SNX29: variants seen among roughly 807,000 people sequenced by gnomAD.
SNX29 encodes the protein sorting nexin-29.
SNX29 carries 78 observed loss-of-function variants against 102.1 expected under a neutral mutation model. The ratio of observed to expected loss-of-function variants is 0.76; its 90% CI spans 0.64 to 0.92. The LOEUF (loss-of-function observed/expected upper bound fraction) is 0.92, where lower values mean the gene tolerates loss of function less well. SNX29 is among the 40% of genes least tolerant of loss of function. The probability of loss-of-function intolerance (pLI) is 0.00; values close to 1 mark genes in which losing one functional copy is unlikely to be tolerated. For synonymous variants in SNX29, 580 were observed against 414.5 expected, an observed-to-expected ratio of 1.40 and a Z score of -4.85; for missense variants, 1,280 against 1,061.7, an observed-to-expected ratio of 1.21 and a Z score of -2.86.
intron 14 of SNX29, among the ~76,000 whole-genome samples, chr16:12,252,555 A>T (rs925621532): frequency 6.6e-6 from 1 of 152,220 alleles, no homozygotes; most frequent in Non-Finnish European, 1.5e-5. Context: ...TCATCACCCA[A>T]TAATAATCAC....
intron 14 of SNX29, among the ~76,000 whole-genome samples, chr16:12,229,848 C>T (rs1472015647): frequency 2.0e-5 from 3 of 152,168 alleles, no homozygotes; most frequent in Non-Finnish European, 2.9e-5. Flanking sequence ...TAGCTCAGCT[C>T]TGTCTCATAC....
At chr16:12,099,344 C>G (rs1336782855) in intron 11 of SNX29, among the ~76,000 whole-genome samples, 1 of 152,192 alleles carries the variant, frequency 6.6e-6, no homozygotes, top group African/African-American at 2.4e-5. Flanking sequence ...CCCATCTCCT[C>G]TTCCACTGAA....
chr16:12,477,956 C>A, intron 19 of SNX29, 97 bp downstream of exon 19: 9 of 1,379,438 alleles, frequency 6.5e-6, no homozygotes, highest in Non-Finnish European at 8.6e-6. Context: ...ACACATGCTC[C>A]TTAAAGAAAA....
rs192004855 is a variant in SNX29, at chr16:12,486,328, A to G, written c.2178+8469A>G. ...GGGCCCTTAATTTCACCTCCTCTGC[A>G]GTGGCCCCTGTACAGTAGCATATTC... On this transcript the variant is annotated intron_variant, in intron 19 of 20. Transcript: ENST00000566228. Among the ~76,000 whole-genome samples, 94 of 152,274 alleles carry G rather than the reference A, an allele frequency of 6.2e-4. 1 individual carries two copies. Among genetic ancestry groups the G allele is most frequent in the African/African-American group, 2.2e-3 (91 of 41,572 alleles).
At chr16:12,524,435 A>C (rs1357843797) in intron 19 of SNX29, among the ~76,000 whole-genome samples, 1 of 151,866 alleles carries the variant, frequency 6.6e-6, no homozygotes, top group Non-Finnish European at 1.5e-5. Context: ...TTGGTGCCCC[A>C]TAAATAACTG....
rs773253386 is a variant in SNX29 at position 12,572,166 on chromosome 16, C to G, written c.*3537C>G. 2 of 981,424 alleles carry G rather than the reference C, an allele frequency of 2.0e-6. No individual in the cohort carries two copies. The highest frequency in any genetic ancestry group is 5.2e-5 in the East Asian group (1 of 19,388). The allele number at this position is 981,424 out of a possible 1,614,324, so 60.8% of individuals were successfully genotyped here. ...AGCTTATTAAGATCAATTTTGATAA[C>G]CATGTAATTTCTTAGAACCATGGCA... On this transcript the variant is annotated 3_prime_UTR_variant, in exon 21 of 21. Transcript: ENST00000566228.
intron 20 of SNX29, chr16:12,556,594 T>C (rs1203208173): frequency 6.6e-6 from 1 of 152,162 alleles, no homozygotes; most frequent in Non-Finnish European, 1.5e-5. Context: ...ATGGAAGGGT[T>C]TGGGGTCTGA....
chr16:12,304,242 A>G (rs897670422), intron 15 of SNX29, among the ~76,000 whole-genome samples: 1 of 151,886 alleles, frequency 6.6e-6, no homozygotes, highest in African/African-American at 2.4e-5. Context: ...ATCTTTAGCA[A>G]AAGTGGAGAC....
At chr16:12,399,843 C>T (rs913445654) in intron 17 of SNX29, among the ~76,000 whole-genome samples, 23 of 151,906 alleles carry the variant, frequency 1.5e-4, no homozygotes, top group African/African-American at 5.6e-4. Context: ...GCAGGGGGAG[C>T]ATGGCATGAA....
chr16:12,095,353 A>G (rs1310606341), intron 11 of SNX29: 3 of 152,210 alleles, frequency 2.0e-5, no homozygotes, highest in Non-Finnish European at 4.4e-5. Flanking sequence ...GAAGAGCCAC[A>G]TTGGAGCCAC....
At chr16:12,238,134 C>T (rs1028810861) in intron 14 of SNX29, among the ~76,000 whole-genome samples, 1 of 152,008 alleles carries the variant, frequency 6.6e-6, no homozygotes, top group African/African-American at 2.4e-5. Flanking sequence ...GCCTTTAGAC[C>T]TTTTAAAAAT....
intron 14 of SNX29, among the ~76,000 whole-genome samples, chr16:12,267,845 C>T (rs951634146): frequency 6.6e-6 from 1 of 151,948 alleles, no homozygotes; most frequent in Admixed American, 6.6e-5. Context: ...CTTCTGAATC[C>T]TCCAGGGGCT....
chr16:12,548,059 C>A (rs1018397626), intron 20 of SNX29, among the ~76,000 whole-genome samples: 1 of 152,180 alleles, frequency 6.6e-6, no homozygotes, highest in South Asian at 2.1e-4. Context: ...CCCTGGCACA[C>A]ACACGGTCAG....
chr16:12,516,141 T>G (rs1439037325), intron 19 of SNX29, among the ~76,000 whole-genome samples: 2 of 152,116 alleles, frequency 1.3e-5, no homozygotes, highest in African/African-American at 4.8e-5. Flanking sequence ...TGGTCTGTCT[T>G]TGTGCCCAGA....
At chr16:12,396,367 G>T (rs1232492650) in intron 16 of SNX29, among the ~76,000 whole-genome samples, 1 of 152,128 alleles carries the variant, frequency 6.6e-6, no homozygotes, top group Admixed American at 6.5e-5. Flanking sequence ...AGGTTCCTGG[G>T]TGCAAACTCT....
chr16:12,484,616 C>G (rs1053790640), intron 19 of SNX29, among the ~76,000 whole-genome samples: 1 of 152,078 alleles, frequency 6.6e-6, no homozygotes, highest in African/African-American at 2.4e-5. Context: ...CACTGGTGTC[C>G]TAAGACATCT....
At chr16:12,561,690 T>C (rs983484642) in intron 20 of SNX29, among the ~76,000 whole-genome samples, 2 of 152,146 alleles carry the variant, frequency 1.3e-5, no homozygotes, top group Non-Finnish European at 2.9e-5. Flanking sequence ...CAGACCCCCT[T>C]TTCCCCAACT....
chr16:12,178,650 A>G (rs898887846), intron 13 of SNX29, among the ~76,000 whole-genome samples: 6 of 152,240 alleles, frequency 3.9e-5, no homozygotes, highest in Non-Finnish European at 1.5e-5. Flanking sequence ...AGGACCTTCC[A>G]GGGTATGGCC....
At chr16:12,079,857 G>C (rs2051776417) in intron 11 of SNX29, among the ~76,000 whole-genome samples, 1 of 152,196 alleles carries the variant, frequency 6.6e-6, no homozygotes, top group Non-Finnish European at 1.5e-5. Flanking sequence ...GGAAGGAGGA[G>C]AGAGCAGAGA....
Sources: allele counts gnomAD v4.1 joint callset (sites outside exome capture counted in the v4.1 genomes callset), GRCh38; gene constraint gnomAD v4.1.1; transcripts MANE v1.5; gene names NCBI Gene and HGNC (gene_info 2026-07-23, HGNC 2026-07-21).